The following AGAP1 variants were observed in gnomAD, a reference collection of about 807,000 sequenced individuals.
AGAP1 encodes ArfGAP with GTPase domain, ankyrin repeat and PH domain 1, also known as arf-GAP with GTPase, ANK repeat and PH domain-containing protein 1.
In AGAP1, 29 loss-of-function variants were observed where a neutral mutation model predicts 105.3. The ratio of observed to expected loss-of-function variants is 0.28; its 90% confidence interval spans 0.21 to 0.38. The LOEUF (loss-of-function observed/expected upper bound fraction) is 0.38, where lower values mean the gene tolerates loss of function less well. Among genes scored for constraint, AGAP1 ranks in the 10% least tolerant of loss-of-function variants. The pLI is 1.00. For missense variants in AGAP1, 998 were observed against 1,165.1 expected (o/e 0.86, Z 2.09); for synonymous variants, 509 against 485.9 (o/e 1.05, Z -0.63).
At position 235,599,726 on chromosome 2, in the gene AGAP1, C is replaced by T. The variant is rs1481669076; in HGVS notation, c.163+104877C>T. ...CCTCCAGTGCCCTTTCTGGGTCCCACGTGATTCTACCTGATCGCTGGCTCT... is the reference window on the plus strand; with the variant it reads ...CCTCCAGTGCCCTTTCTGGGTCCCATGTGATTCTACCTGATCGCTGGCTCT... On this transcript the variant is annotated intron_variant, in intron 1 of 17. Transcript: ENST00000304032. This position sits in a 1 kb window ranked among gnomAD's most constrained non-coding sequence, Gnocchi z 5.3. Among the ~76,000 whole-genome samples, 2 of 152,136 alleles carry T rather than the reference C, an allele frequency of 1.3e-5. No homozygotes were observed. Among genetic ancestry groups the T allele is most frequent in the African/African-American group, 4.8e-5 (2 of 41,440 alleles).
At chr2:235,650,967 G>T (rs1947563699) in intron 1 of AGAP1, among the ~76,000 whole-genome samples, 1 of 151,830 alleles carries the variant, frequency 6.6e-6, no homozygotes, top group African/African-American at 2.4e-5. Flanking sequence ...ATCACTTGAG[G>T]TCAGGAGTTC....
At position 235,503,187 on chromosome 2, in the gene AGAP1, A is replaced by G. The variant is rs549056673; in HGVS notation, c.163+8338A>G. Reference sequence around the variant, plus strand: ...GAAGTGCTGGCTAGCTTATGTAATGAAAAAGAAATTGATTTGGAAAGAGCT... The same window carrying G: ...GAAGTGCTGGCTAGCTTATGTAATGGAAAAGAAATTGATTTGGAAAGAGCT... On this transcript the variant is annotated intron_variant, in intron 1 of 17. Coordinates refer to ENST00000304032, the MANE Select transcript of AGAP1 (RefSeq NM_001037131.3). 2.6e-3 allele frequency among the ~76,000 whole-genome samples: 403 copies of G among 152,314 alleles called. 2 individuals carry two copies. Among genetic ancestry groups the G allele is most frequent in the African/African-American group, 9.3e-3 (388 of 41,556 alleles).
intron 16 of AGAP1, among the ~76,000 whole-genome samples, chr2:236,052,986 G>A (rs980933423): frequency 3.9e-5 from 6 of 152,190 alleles, no homozygotes; most frequent in Non-Finnish European, 7.3e-5. Context: ...AGGTTTTAGG[G>A]GTTTAAGAAG....
chr2:235,986,108 GT>G (rs973382053), intron 13 of AGAP1, among the ~76,000 whole-genome samples: 53 of 152,126 alleles, frequency 3.5e-4, no homozygotes, highest in African/African-American at 1.1e-3. Context: ...TGAGGATGGA[GT>G]TTTTTTCCAT....
chr2:235,566,002 TAGTG>T lies in AGAP1; in HGVS notation c.163+71157_163+71160del, dbSNP rs1489018731. Among the ~76,000 whole-genome samples, 2 of 152,228 alleles carry T rather than the reference TAGTG, an allele frequency of 1.3e-5. No homozygotes were observed. The highest frequency in any genetic ancestry group is 2.9e-5 in the Non-Finnish European group (2 of 68,040). ...ATACAGAAAAGTGGAAATAATTTTA[TAGTG>T]AGTACTTGTACACTGATTGCCAAGA... On this transcript the variant is annotated intron_variant, in intron 1 of 17. Transcript: ENST00000304032. This position sits in a 1 kb window ranked among gnomAD's most constrained non-coding sequence, Gnocchi z 5.2.
chr2:235,836,035 A>T (rs1960116027), intron 9 of AGAP1, among the ~76,000 whole-genome samples: 1 of 152,234 alleles, frequency 6.6e-6, no homozygotes, highest in Admixed American at 6.5e-5. Flanking sequence ...AAACTCTAAC[A>T]GCATCTGTTC....
intron 16 of AGAP1, among the ~76,000 whole-genome samples, chr2:236,065,229 G>T (rs575960328): frequency 2.6e-5 from 4 of 152,278 alleles, no homozygotes; most frequent in African/African-American, 9.6e-5. Context: ...TTTTGAAATT[G>T]CCAAGCCAAG....
At chr2:235,718,616 C>T (rs138187530) in intron 3 of AGAP1, among the ~76,000 whole-genome samples, 2 of 152,314 alleles carry the variant, frequency 1.3e-5, no homozygotes, top group African/African-American at 2.4e-5. Context: ...AACACCTGTC[C>T]TAGCATTTAA....
At chr2:235,935,515 G>A (rs1480546653) in intron 12 of AGAP1, among the ~76,000 whole-genome samples, 2 of 152,184 alleles carry the variant, frequency 1.3e-5, no homozygotes, top group African/African-American at 2.4e-5. Context: ...AACCTCTTGT[G>A]TAGATTCTTT....
intron 6 of AGAP1, among the ~76,000 whole-genome samples, chr2:235,763,586 A>G (rs1240655357): frequency 1.3e-5 from 2 of 152,196 alleles, no homozygotes; most frequent in African/African-American, 4.8e-5. Context: ...CTGTGTGTCC[A>G]CATCCTTCAG....
chr2:236,068,823 T>G (rs1282603943), intron 16 of AGAP1, among the ~76,000 whole-genome samples: 2 of 142,130 alleles, frequency 1.4e-5, no homozygotes, highest in African/African-American at 5.3e-5. Flanking sequence ...AAAAAAAAAT[T>G]TATCCTAAAA....
At chr2:236,019,646 C>T (rs2056825451) in intron 13 of AGAP1, among the ~76,000 whole-genome samples, 1 of 152,204 alleles carries the variant, frequency 6.6e-6, no homozygotes, top group East Asian at 1.9e-4. Context: ...CTGGACGGGG[C>T]TTAGTACAGA....
chr2:235,543,531 G>T (rs1943522778), intron 1 of AGAP1, among the ~76,000 whole-genome samples: 1 of 152,218 alleles, frequency 6.6e-6, no homozygotes, highest in Non-Finnish European at 1.5e-5. Flanking sequence ...GGGAAGAACC[G>T]TGCTGGATTG....
chr2:236,072,899 C>A (rs2058540681), intron 16 of AGAP1, among the ~76,000 whole-genome samples: 1 of 152,098 alleles, frequency 6.6e-6, no homozygotes, highest in African/African-American at 2.4e-5. Context: ...GTCAAAAGAA[C>A]CTGATGGAAG....
chr2:235,607,460 G>A (rs985869610), intron 1 of AGAP1, among the ~76,000 whole-genome samples: 1 of 152,258 alleles, frequency 6.6e-6, no homozygotes, highest in Non-Finnish European at 1.5e-5. Flanking sequence ...ACAGAGCCCA[G>A]GGCAGGAGGA....
Position 235,664,461 on chromosome 2 carries a change from A to G in AGAP1, c.164-44718A>G, listed in dbSNP as rs944231449. ...TCAAACTCCTGATCTCAGGTGATCC[A>G]CCTGCCTTGGCCTCCCAAAGTGCTG... On this transcript the variant is annotated intron_variant, in intron 1 of 17. Transcript: ENST00000304032. The surrounding 1 kb of genome is among the most constrained non-coding windows in gnomAD (Gnocchi z 5.7). Among the ~76,000 whole-genome samples, 1 of 152,100 alleles carries G rather than the reference A, an allele frequency of 6.6e-6. No homozygotes were observed. The highest frequency in any genetic ancestry group is 1.5e-5 in the Non-Finnish European group (1 of 68,024).
chr2:236,043,798 G>T (rs1285152278), intron 15 of AGAP1, among the ~76,000 whole-genome samples: 1 of 152,038 alleles, frequency 6.6e-6, no homozygotes, highest in African/African-American at 2.4e-5. Flanking sequence ...TGAAAAAGGG[G>T]TATGACAATG....
intron 1 of AGAP1, among the ~76,000 whole-genome samples, chr2:235,576,068 G>A (rs1235471718): frequency 6.6e-6 from 1 of 152,206 alleles, no homozygotes; most frequent in Non-Finnish European, 1.5e-5. Flanking sequence ...AAGCCGCTGT[G>A]TGGCAGAGAC....
At chr2:236,097,185 A>C (rs2059211386) in intron 16 of AGAP1, among the ~76,000 whole-genome samples, 1 of 152,054 alleles carries the variant, frequency 6.6e-6, no homozygotes. Flanking sequence ...TTTCAGGATT[A>C]TGATCCAAAC....
Sources: allele counts gnomAD v4.1 joint callset (sites outside exome capture counted in the v4.1 genomes callset), GRCh38; gene constraint gnomAD v4.1.1; non-coding constraint Gnocchi (gnomAD v3.1); transcripts MANE v1.5; gene names NCBI Gene and HGNC (gene_info 2026-07-23, HGNC 2026-07-21).